Variants in RANGAP1 observed in about 807,000 individuals in gnomAD.
The protein encoded by RANGAP1 is ran GTPase-activating protein 1.
RANGAP1 carries 38 observed loss-of-function variants against 63.5 expected under a neutral mutation model. That is an observed-to-expected ratio of 0.60 (90% confidence interval 0.46 to 0.78). The LOEUF is 0.78. Ranked by LOEUF, RANGAP1 falls within the 30% of genes least tolerant of loss-of-function variation. The pLI is 0.00. For synonymous variants in RANGAP1, 329 were observed against 310.5 expected (o/e 1.06, Z -0.63); for missense variants, 630 against 740.3 (o/e 0.85, Z 1.73).
chr22:41,253,038 C>T, intron 11 of RANGAP1, 47 bp from the exon 12 acceptor site: 3 of 1,381,124 alleles, frequency 2.2e-6, no homozygotes, highest in Non-Finnish European at 2.8e-6. Context: ...GGACCCCAGA[C>T]TCCCCGACAC....
intron 4 of RANGAP1, among the ~76,000 whole-genome samples, chr22:41,266,796 T>C (rs1437722091): frequency 6.6e-6 from 1 of 152,004 alleles, no homozygotes; most frequent in Non-Finnish European, 1.5e-5. Context: ...GCCCCCCACC[T>C]TGGCCTCCCA....
chr22:41,256,622 C>A (rs2033851787), intron 8 of RANGAP1, 89 bp downstream of exon 8: 16 of 1,149,608 alleles, frequency 1.4e-5, no homozygotes, highest in Non-Finnish European at 2.0e-5. Context: ...GACACAGGCC[C>A]ACCTGCCTTC....
At chr22:41,264,541 C>T (rs1284859794) in intron 5 of RANGAP1, 123 bp downstream of exon 5, 2 of 1,249,522 alleles carry the variant, frequency 1.6e-6, no homozygotes, top group African/African-American at 1.5e-5. Context: ...GCCTTTGAGG[C>T]CTTTCTCTTT....
Position 41,258,892 on chromosome 22 carries a change from C to T in RANGAP1, c.616-786G>A, listed in dbSNP as rs559507436. On this transcript the variant is annotated intron_variant, in intron 6 of 15. Transcript: ENST00000356244. ...CTGGTCTTGAACTCCTGACCTCAGG[C>T]GATCCAGCTTCCTCGGCCTCTCAAA... Among the ~76,000 whole-genome samples the T allele has an allele frequency of 4.9e-4, 74 of 152,286 alleles. 2 individuals are homozygous for T. The South Asian group carries it at 0.014, about 29-fold the overall frequency.
At position 41,246,049 on chromosome 22, in the gene RANGAP1, A is replaced by C. The variant is rs2033005408; in HGVS notation, c.*554T>G. The C allele has an allele frequency of 6.4e-6, 1 of 155,096 alleles. No individual in the cohort carries two copies. Among genetic ancestry groups the C allele is most frequent in the Non-Finnish European group, 1.4e-5 (1 of 69,960 alleles). The allele number at this position is 155,096 out of a possible 1,614,324, so 9.6% of individuals were successfully genotyped here. Reference sequence around the variant, plus strand: ...CGACCCCCACAGTCCCACCCATGGCATTCTCTGCTCTTCAGGCTGAGCGGT... The same window carrying C: ...CGACCCCCACAGTCCCACCCATGGCCTTCTCTGCTCTTCAGGCTGAGCGGT... On this transcript the variant is annotated 3_prime_UTR_variant, in exon 16 of 16. Transcript: ENST00000356244.
At chr22:41,261,612 G>T in intron 5 of RANGAP1, 32 bp from the exon 6 acceptor site, 1 of 1,613,830 alleles carries the variant, frequency 6.2e-7, no homozygotes, top group Non-Finnish European at 8.5e-7. Flanking sequence ...CCTGGTCATG[G>T]GCAGGAGCCC....
At chr22:41,297,512 C>CT in the RANGAP1 span, among the ~76,000 whole-genome samples, 661 of 142,194 alleles carry the variant, frequency 4.6e-3, 2 homozygotes, top group African/African-American at 8.2e-3. Context: ...GGGTACAGTA[C>CT]TTTTTTTTTT....
chr22:41,247,359 GT>G (rs1224702073), intron 15 of RANGAP1, among the ~76,000 whole-genome samples: 1 of 151,572 alleles, frequency 6.6e-6, no homozygotes, highest in East Asian at 1.9e-4. Context: ...CAGGCTGGTT[GT>G]TTTTTTCTTG....
intron 2 of RANGAP1, chr22:41,280,593 G>C: frequency 8.7e-7 from 1 of 1,153,502 alleles, no homozygotes; most frequent in South Asian, 1.3e-5. Flanking sequence ...TGGGGGTTAA[G>C]GGCAAGGGTG....
upstream of RANGAP1, among the ~76,000 whole-genome samples, chr22:41,288,400 C>T (rs1009055086): frequency 6.6e-6 from 1 of 152,212 alleles, no homozygotes; most frequent in Non-Finnish European, 1.5e-5. Flanking sequence ...AGTATCTTCT[C>T]TGGGCCTGGC....
the RANGAP1 span, among the ~76,000 whole-genome samples, chr22:41,301,948 CA>C: frequency 6.6e-6 from 1 of 151,898 alleles, no homozygotes; most frequent in South Asian, 2.1e-4. Flanking sequence ...TGGGATTTTG[CA>C]AAAAATAAAT....
At chr22:41,256,598 G>A (rs542272099) in intron 8 of RANGAP1, 113 bp downstream of exon 8, 6 of 876,010 alleles carry the variant, frequency 6.8e-6, no homozygotes, top group Non-Finnish European at 1.1e-5. Flanking sequence ...CCGAAGTGGA[G>A]GAGCTGGGAT....
Position 41,258,048 on chromosome 22 carries a change from A to T in RANGAP1, c.674T>A (p.Ile225Asn). 6.2e-7 allele frequency: 1 copy of T among 1,613,640 alleles called. No individual in the cohort carries two copies. The highest frequency in any genetic ancestry group is 8.5e-7 in the Non-Finnish European group (1 of 1,179,704). ...AGCGAAAGCCTGGGCCAGGGCAGTGATGCCAGGGTGGTTGATCCCATTCTG... is the reference window on the plus strand; with the variant it reads ...AGCGAAAGCCTGGGCCAGGGCAGTGTTGCCAGGGTGGTTGATCCCATTCTG... Reference protein sequence around the residue: ...MPQNGINHPGITALAQAFAVN... With the variant: ...MPQNGINHPGNTALAQAFAVN... The change falls in exon 7 of 16, where the codon ATC (isoleucine) becomes AAC (asparagine). Residue 225 changes from isoleucine (I) to asparagine (N), a missense_variant. Coordinates refer to ENST00000356244, the MANE Select transcript of RANGAP1 (RefSeq NM_002883.4).
At chr22:41,267,291 GC>G (rs1481255154) in intron 4 of RANGAP1, among the ~76,000 whole-genome samples, 3 of 152,182 alleles carry the variant, frequency 2.0e-5, no homozygotes, top group African/African-American at 7.2e-5. Flanking sequence ...GACTGTTTGA[GC>G]CCAGGAGTTC....
chr22:41,251,808 C>T (rs1007380539), intron 12 of RANGAP1, among the ~76,000 whole-genome samples: 2 of 152,054 alleles, frequency 1.3e-5, no homozygotes, highest in Non-Finnish European at 2.9e-5. Context: ...TACATCCACA[C>T]ATTGCAATAA....
At chr22:41,292,662 G>A in the RANGAP1 span, among the ~76,000 whole-genome samples, 5 of 152,064 alleles carry the variant, frequency 3.3e-5, no homozygotes, top group African/African-American at 9.6e-5. Context: ...CAGGAGAATC[G>A]CTTGAACCCG....
chr22:41,293,759 T>TG, the RANGAP1 span, among the ~76,000 whole-genome samples: 1 of 86,842 alleles, frequency 1.2e-5, no homozygotes, highest in Non-Finnish European at 2.1e-5. Context: ...AGACTCTGTC[T>TG]CAAAAAAAAA....
chr22:41,252,341 G>A (rs1210511037), intron 12 of RANGAP1, among the ~76,000 whole-genome samples: 3 of 152,010 alleles, frequency 2.0e-5, no homozygotes, highest in Non-Finnish European at 4.4e-5. Context: ...AATAAAGTAA[G>A]GGCAGCAGAG....
intron 5 of RANGAP1, among the ~76,000 whole-genome samples, chr22:41,262,472 T>C (rs1354149013): frequency 1.3e-5 from 2 of 152,170 alleles, no homozygotes; most frequent in African/African-American, 4.8e-5. Context: ...GGCCGTACTT[T>C]ACAGATGAGG....
Sources: allele counts gnomAD v4.1 joint callset (sites outside exome capture counted in the v4.1 genomes callset), GRCh38; gene constraint gnomAD v4.1.1; transcripts MANE v1.5; gene names NCBI Gene and HGNC (gene_info 2026-07-23, HGNC 2026-07-21).